The following TRPM3 variants were observed in gnomAD, a reference collection of about 807,000 sequenced individuals.
TRPM3 encodes the protein transient receptor potential cation channel subfamily M member 3.
A neutral mutation model predicts 181.2 loss-of-function variants in TRPM3; 77 were observed. That is an observed-to-expected ratio of 0.42 (90% CI 0.35 to 0.51). The LOEUF (loss-of-function observed/expected upper bound fraction) is 0.51, where lower values mean the gene tolerates loss of function less well. TRPM3 is among the 20% of genes least tolerant of loss of function. The pLI is 0.01. For missense variants in TRPM3, 1,759 were observed against 2,196.7 expected, an observed-to-expected ratio of 0.80 and a Z score of 3.98; for synonymous variants, 745 against 796.4, an observed-to-expected ratio of 0.94 and a Z score of 1.09.
chr9:70,805,108 A>C (rs931803549), intron 6 of TRPM3, among the ~76,000 whole-genome samples: 2 of 151,898 alleles, frequency 1.3e-5, no homozygotes, highest in African/African-American at 4.8e-5. Context: ...AAAAGTTAAG[A>C]GGCTCTATCT....
intron 1 of TRPM3, among the ~76,000 whole-genome samples, chr9:70,920,699 A>C (rs559105298): frequency 2.0e-5 from 3 of 152,322 alleles, no homozygotes; most frequent in African/African-American, 7.2e-5. Flanking sequence ...AAATAAAAGG[A>C]AATATTAAAA....
chr9:71,219,556 C>T lies in TRPM3; in HGVS notation c.183+227097G>A, dbSNP rs1387010224. Among the ~76,000 whole-genome samples, 104 of 152,172 alleles carry T rather than the reference C, an allele frequency of 6.8e-4. 1 individual carries two copies. Among genetic ancestry groups the T allele is most frequent in the Non-Finnish European group, 1.6e-4 (11 of 68,024 alleles). On this transcript the variant is annotated intron_variant, in intron 1 of 24. Transcript: ENST00000357533. ...AGAAACTGTTGTCATTTGCTGCTAACTTGGGTTAACTAAAAATTGCACACT... is the reference window on the plus strand; with the variant it reads ...AGAAACTGTTGTCATTTGCTGCTAATTTGGGTTAACTAAAAATTGCACACT...
At chr9:70,738,556 T>C (rs928497284) in intron 8 of TRPM3, among the ~76,000 whole-genome samples, 16 of 151,896 alleles carry the variant, frequency 1.1e-4, no homozygotes, top group African/African-American at 3.4e-4. Context: ...ACAGACAATC[T>C]AAGGTCACAC....
rs911663277 is a variant in TRPM3 at position 71,413,930 on chromosome 9, G to A, written c.183+32723C>T. Among the ~76,000 whole-genome samples the A allele has an allele frequency of 2.0e-5, 3 of 151,344 alleles. No homozygotes were observed. In the East Asian group the frequency reaches 5.8e-4, roughly 29 times the overall value. On this transcript the variant is annotated intron_variant, in intron 1 of 24. Coordinates refer to the TRPM3 transcript ENST00000357533. ...CACATAAAACAAACTAAGACTCTGA[G>A]CATGTTTATCTCCTCACTGGTTTAT...
intron 1 of TRPM3, among the ~76,000 whole-genome samples, chr9:71,414,518 G>A (rs777231811): frequency 1.3e-5 from 2 of 152,020 alleles, no homozygotes; most frequent in African/African-American, 2.4e-5. Flanking sequence ...GATCTATTCT[G>A]CCAGATGGCC....
chr9:70,894,906 G>A (rs546400522), intron 1 of TRPM3, among the ~76,000 whole-genome samples: 1 of 152,194 alleles, frequency 6.6e-6, no homozygotes, highest in South Asian at 2.1e-4. Context: ...TGCTAAGATT[G>A]TGAATAGAAA....
intron 1 of TRPM3, among the ~76,000 whole-genome samples, chr9:70,963,123 C>A (rs538311073): frequency 6.6e-6 from 1 of 152,252 alleles, no homozygotes; most frequent in East Asian, 1.9e-4. Context: ...AAGGTAAGCT[C>A]TAGCAAATGT....
In TRPM3 at chr9:71,118,527, G is replaced by A. The variant is rs79899470; in HGVS notation, c.177+2651C>T. Among the ~76,000 whole-genome samples, 1,053 of 152,300 alleles carry A rather than the reference G, an allele frequency of 6.9e-3. 12 individuals carry two copies. The highest frequency in any genetic ancestry group is 0.024 in the African/African-American group (987 of 41,560). Reference sequence around the variant, plus strand: ...ATTTTCAAGGAAAAGGATAGAAAGGGAAATTGGCTTGAGTCCAGTCTGTCA... The same window carrying A: ...ATTTTCAAGGAAAAGGATAGAAAGGAAAATTGGCTTGAGTCCAGTCTGTCA... On this transcript the variant is annotated intron_variant, in intron 1 of 25. Transcript: ENST00000677713.
chr9:70,537,468 C>T lies in TRPM3; in HGVS notation c.3708-63G>A, dbSNP rs1443841764. On this transcript the variant is annotated intron_variant, in intron 25 of 25. Coordinates refer to ENST00000677713, the MANE Select transcript of TRPM3 (RefSeq NM_001366145.2). ...GTTCCTCTGCTGGGGCTTTAGAGAG[C>T]AAGGATAAAGGGATCACAGCTGTGC... is the stretch of plus-strand genomic sequence containing the variant. The T allele has an allele frequency of 3.3e-5, 46 of 1,378,242 alleles. No individual in the cohort carries two copies. In the East Asian group the frequency reaches 1.1e-3, roughly 32 times the overall value. 85.4% of individuals were successfully genotyped at this position (1,378,242 alleles called of 1,614,324 possible).
chr9:71,171,549 G>A (rs12350014), intron 1 of TRPM3, among the ~76,000 whole-genome samples: 2 of 152,072 alleles, frequency 1.3e-5, no homozygotes, highest in Non-Finnish European at 2.9e-5. Context: ...CAGGTTCCCC[G>A]ATACAAACTT....
intron 22 of TRPM3, among the ~76,000 whole-genome samples, chr9:70,580,205 C>A (rs1300464312): frequency 6.6e-6 from 1 of 152,144 alleles, no homozygotes; most frequent in Non-Finnish European, 1.5e-5. Flanking sequence ...TATTTTCTAG[C>A]CATGATCTCC....
At chr9:70,984,924 G>A (rs1309876827) in intron 1 of TRPM3, among the ~76,000 whole-genome samples, 1 of 152,156 alleles carries the variant, frequency 6.6e-6, no homozygotes, top group African/African-American at 2.4e-5. Context: ...AGAATATGAG[G>A]TCATTCAGAG....
intron 1 of TRPM3, among the ~76,000 whole-genome samples, chr9:70,941,483 T>C (rs2096885287): frequency 6.6e-6 from 1 of 152,352 alleles, no homozygotes; most frequent in South Asian, 2.1e-4. Context: ...CTCCTCAGCA[T>C]GCAGACGGCC....
intron 1 of TRPM3, among the ~76,000 whole-genome samples, chr9:70,969,096 T>G (rs1319291282): frequency 6.6e-6 from 1 of 151,908 alleles, no homozygotes; most frequent in Non-Finnish European, 1.5e-5. Flanking sequence ...TGGGGGAAAA[T>G]TTTTGCAATC....
Position 70,803,049 on chromosome 9 carries a change from AAAAAAAAAAAC to A in TRPM3, c.974-18781_974-18771del, listed in dbSNP as rs1214230495. ...GAAATTTTGTAAAAAAAAAAAAAAAAAAAAAAAAAACAAAGGCCCAACTCCACCAATTTTCT... is the reference window on the plus strand; with the variant it reads ...GAAATTTTGTAAAAAAAAAAAAAAAAAAAGGCCCAACTCCACCAATTTTCT... On this transcript the variant is annotated intron_variant, in intron 6 of 25. Coordinates refer to ENST00000677713, the MANE Select transcript of TRPM3 (RefSeq NM_001366145.2). Among the ~76,000 whole-genome samples the A allele has an allele frequency of 3.1e-3, 407 of 132,374 alleles. 6 individuals carry two copies. Among genetic ancestry groups the A allele is most frequent in the African/African-American group, 0.015 (378 of 25,364 alleles). 86.8% of individuals were successfully genotyped at this position (132,374 alleles called of 152,430 possible). A position where few individuals can be genotyped will look rare whatever the true frequency, so the allele number is the denominator to read the frequency against.
At chr9:71,203,673 A>C (rs1043533496) in intron 1 of TRPM3, among the ~76,000 whole-genome samples, 3 of 152,146 alleles carry the variant, frequency 2.0e-5, no homozygotes, top group African/African-American at 7.2e-5. Flanking sequence ...GATTACAGTT[A>C]TATCTACCTC....
chr9:70,682,904 A>C (rs529651669), intron 8 of TRPM3, among the ~76,000 whole-genome samples: 7 of 152,194 alleles, frequency 4.6e-5, no homozygotes, highest in African/African-American at 1.7e-4. Context: ...TTGCTAATCT[A>C]TAAGTCTAGG....
intron 9 of TRPM3, among the ~76,000 whole-genome samples, chr9:70,668,328 T>C (rs1338221525): frequency 6.6e-6 from 1 of 152,210 alleles, no homozygotes. Flanking sequence ...ACCTGCCCCA[T>C]TGTGGTACTT....
intron 1 of TRPM3, among the ~76,000 whole-genome samples, chr9:70,964,127 C>A (rs1221980286): frequency 6.6e-6 from 1 of 152,024 alleles, no homozygotes. Context: ...CATACGCTGC[C>A]TGGGTATTTG....
Sources: allele counts gnomAD v4.1 joint callset (sites outside exome capture counted in the v4.1 genomes callset), GRCh38; gene constraint gnomAD v4.1.1; transcripts MANE v1.5; gene names NCBI Gene and HGNC (gene_info 2026-07-23, HGNC 2026-07-21).